The following CCDC85A variants were observed in gnomAD, a reference collection of about 807,000 sequenced individuals.
CCDC85A encodes the protein coiled-coil domain-containing protein 85A.
A neutral mutation model predicts 50.2 loss-of-function variants in CCDC85A; 38 were observed. The ratio of observed to expected loss-of-function variants is 0.76; its 90% CI spans 0.58 to 0.99. The LOEUF is 0.99. Among genes scored for constraint, CCDC85A ranks in the 50% least tolerant of loss-of-function variants. The pLI is 0.00. For missense variants in CCDC85A, 820 were observed against 742.0 expected (o/e 1.11, Z -1.22); for synonymous variants, 366 against 301.4 (o/e 1.21, Z -2.22).
intron 2 of CCDC85A, among the ~76,000 whole-genome samples, chr2:56,254,755 C>T (rs1183942160): frequency 1.3e-5 from 2 of 152,050 alleles, no homozygotes; most frequent in Non-Finnish European, 2.9e-5. Context: ...CTGGATCTAG[C>T]CAGGGACATC....
At chr2:56,363,107 AT>A (rs906932746) in intron 3 of CCDC85A, among the ~76,000 whole-genome samples, 9 of 151,918 alleles carry the variant, frequency 5.9e-5, no homozygotes, top group East Asian at 1.9e-4. Context: ...TTTCCATCGT[AT>A]TTTTTTTATA....
intron 2 of CCDC85A, among the ~76,000 whole-genome samples, chr2:56,299,912 A>G (rs565635721): frequency 3.3e-5 from 5 of 152,296 alleles, no homozygotes; most frequent in African/African-American, 7.2e-5. Flanking sequence ...AAGTAAAACT[A>G]TAAGAAGTGA....
At chr2:56,296,333 T>C (rs1022545910) in intron 2 of CCDC85A, among the ~76,000 whole-genome samples, 2 of 152,192 alleles carry the variant, frequency 1.3e-5, no homozygotes, top group African/African-American at 4.8e-5. Flanking sequence ...ATGAAATAAC[T>C]TAAAAACTAT....
intron 2 of CCDC85A, among the ~76,000 whole-genome samples, chr2:56,247,075 A>G (rs1158944908): frequency 2.6e-5 from 4 of 152,280 alleles, no homozygotes; most frequent in African/African-American, 9.6e-5. Flanking sequence ...TGCACTCTAA[A>G]TCATGTCCCC....
intron 4 of CCDC85A, among the ~76,000 whole-genome samples, chr2:56,374,140 G>A (rs1469023559): frequency 6.6e-6 from 1 of 152,176 alleles, no homozygotes; most frequent in African/African-American, 2.4e-5. Flanking sequence ...ATCACCTGCT[G>A]TACATTTTAG....
At chr2:56,319,601 G>A (rs1316185810) in intron 2 of CCDC85A, among the ~76,000 whole-genome samples, 1 of 152,060 alleles carries the variant, frequency 6.6e-6, no homozygotes, top group Non-Finnish European at 1.5e-5. Context: ...AATGAATATA[G>A]CTGACACCAC....
intron 5 of CCDC85A, among the ~76,000 whole-genome samples, chr2:56,378,007 A>C (rs1676419172): frequency 6.6e-6 from 1 of 152,338 alleles, no homozygotes; most frequent in Admixed American, 6.5e-5. Flanking sequence ...CATCTTTATT[A>C]GAAAACTGGG....
intron 2 of CCDC85A, among the ~76,000 whole-genome samples, chr2:56,216,291 C>G (rs556340774): frequency 6.6e-6 from 1 of 151,884 alleles, no homozygotes; most frequent in Non-Finnish European, 1.5e-5. Flanking sequence ...CTAGATAATG[C>G]CACATGTTCC....
chr2:56,316,508 T>C (rs951607082), intron 2 of CCDC85A, among the ~76,000 whole-genome samples: 15 of 152,156 alleles, frequency 9.9e-5, no homozygotes, highest in African/African-American at 2.7e-4. Flanking sequence ...CAGGTTATTT[T>C]TGAAGCTCAG....
At chr2:56,368,848 A>G (rs376762352) in intron 3 of CCDC85A, among the ~76,000 whole-genome samples, 50 of 152,114 alleles carry the variant, frequency 3.3e-4, no homozygotes, top group South Asian at 1.0e-3. Flanking sequence ...ACATATATGT[A>G]TATGTATATA....
chr2:56,344,051 A>C (rs889990691), intron 3 of CCDC85A, among the ~76,000 whole-genome samples: 1 of 152,142 alleles, frequency 6.6e-6, no homozygotes, highest in Non-Finnish European at 1.5e-5. Context: ...CATGAGATTA[A>C]GTGAAATAAA....
chr2:56,354,178 T>A (rs1305564883), intron 3 of CCDC85A, among the ~76,000 whole-genome samples: 1 of 152,244 alleles, frequency 6.6e-6, no homozygotes, highest in Non-Finnish European at 1.5e-5. Context: ...TAGAAAATGC[T>A]AAAAAGTTAA....
intron 2 of CCDC85A, among the ~76,000 whole-genome samples, chr2:56,227,917 C>G (rs1558594530): frequency 6.6e-6 from 1 of 152,184 alleles, no homozygotes; most frequent in Non-Finnish European, 1.5e-5. Context: ...AATTTGGAAA[C>G]CAGTGCTCTC....
chr2:56,311,852 G>A (rs1051212583), intron 2 of CCDC85A, among the ~76,000 whole-genome samples: 1 of 152,038 alleles, frequency 6.6e-6, no homozygotes, highest in South Asian at 2.1e-4. Flanking sequence ...CTCCTCAAAG[G>A]GTTGTCCATG....
At chr2:56,303,572 G>T (rs1315050977) in intron 2 of CCDC85A, among the ~76,000 whole-genome samples, 1 of 152,092 alleles carries the variant, frequency 6.6e-6, no homozygotes, top group African/African-American at 2.4e-5. Context: ...GGGATTCTAA[G>T]GATAGTAATT....
chr2:56,194,424 G>T (rs141983345), intron 2 of CCDC85A, among the ~76,000 whole-genome samples: 1 of 152,132 alleles, frequency 6.6e-6, no homozygotes, highest in Admixed American at 6.5e-5. Flanking sequence ...GATCTAAAAC[G>T]ATTGATTTTA....
At chr2:56,193,722 A>AT (rs1425390978) in intron 2 of CCDC85A, among the ~76,000 whole-genome samples, 2 of 152,142 alleles carry the variant, frequency 1.3e-5, no homozygotes, top group African/African-American at 4.8e-5. Flanking sequence ...TCAAAGGGAA[A>AT]TCTTTGGGTA....
chr2:56,376,319 A>G (rs965682661), intron 5 of CCDC85A, among the ~76,000 whole-genome samples: 3 of 152,224 alleles, frequency 2.0e-5, no homozygotes, highest in Non-Finnish European at 2.9e-5. Flanking sequence ...ATGGAAGGAT[A>G]CCACAGTATT....
chr2:56,292,430 C>T (rs1252767123), intron 2 of CCDC85A, among the ~76,000 whole-genome samples: 1 of 152,150 alleles, frequency 6.6e-6, no homozygotes, highest in Non-Finnish European at 1.5e-5. Flanking sequence ...ACATTTTCTC[C>T]TATTTCCTTT....
Sources: allele counts gnomAD v4.1 joint callset (sites outside exome capture counted in the v4.1 genomes callset), GRCh38; gene constraint gnomAD v4.1.1; transcripts MANE v1.5; gene names NCBI Gene and HGNC (gene_info 2026-07-23, HGNC 2026-07-21).